The following STPG1 variants were observed in gnomAD, a reference collection of about 807,000 sequenced individuals.
STPG1 encodes the protein O(6)-methylguanine-induced apoptosis 2.
In STPG1, 33 loss-of-function variants were observed where a neutral mutation model predicts 40.1. The observed-to-expected ratio is 0.82, with a 90% confidence interval of 0.62 to 1.10. The LOEUF (loss-of-function observed/expected upper bound fraction) is 1.10. Among genes scored for constraint, STPG1 ranks in the 50% least tolerant of loss-of-function variants. STPG1 has a pLI of 0.00. For synonymous variants in STPG1, 150 were observed against 155.0 expected (o/e 0.97, Z 0.24); for missense variants, 396 against 415.1 (o/e 0.95, Z 0.40).
intron 7 of STPG1, among the ~76,000 whole-genome samples, chr1:24,361,446 T>C (rs751365218): frequency 6.6e-5 from 10 of 152,020 alleles, no homozygotes; most frequent in Admixed American, 3.3e-4. Flanking sequence ...TGAAAAAAAC[T>C]GAGGCCTCAT....
intron 2 of STPG1, among the ~76,000 whole-genome samples, chr1:24,396,576 A>C (rs933910940): frequency 6.6e-6 from 1 of 152,232 alleles, no homozygotes; most frequent in South Asian, 2.1e-4. Flanking sequence ...TACATAAACA[A>C]ACTGGGGTGG....
intron 1 of STPG1, among the ~76,000 whole-genome samples, chr1:24,410,090 A>C (rs1643558167): frequency 6.6e-6 from 1 of 152,222 alleles, no homozygotes; most frequent in Non-Finnish European, 1.5e-5. Context: ...GAGCATGATA[A>C]GTGCTTAGTT....
At chr1:24,363,798 T>G (rs1029028706) in intron 7 of STPG1, among the ~76,000 whole-genome samples, 4 of 152,036 alleles carry the variant, frequency 2.6e-5, no homozygotes, top group African/African-American at 9.7e-5. Context: ...GGGAAGAGCA[T>G]TTCCAGCAGA....
At position 24,381,706 on chromosome 1, in the gene STPG1, A is replaced by G. The variant is rs544502947; in HGVS notation, c.292-1883T>C. Among the ~76,000 whole-genome samples, 12 of 152,338 alleles carry G rather than the reference A, an allele frequency of 7.9e-5. No homozygotes were observed. The South Asian group carries it at 1.0e-3, about 13-fold the overall frequency. On this transcript the variant is annotated intron_variant, in intron 4 of 8. Transcript: ENST00000337248. Reference sequence around the variant, plus strand: ...GGAAGTTTCTAAAATTTATAGACCCACAGAGTTTTTTGGTCAGCCTCACCC... The same window carrying G: ...GGAAGTTTCTAAAATTTATAGACCCGCAGAGTTTTTTGGTCAGCCTCACCC...
At chr1:24,414,928 G>C (rs1643951746), upstream of STPG1, 1 of 152,126 alleles carries the variant, frequency 6.6e-6, no homozygotes, top group African/African-American at 2.4e-5. Context: ...GCTGGCCTTC[G>C]GGCAGTTTCT....
chr1:24,364,150 C>G, intron 7 of STPG1: 1 of 1,475,380 alleles, frequency 6.8e-7, no homozygotes, highest in African/African-American at 1.4e-5. Flanking sequence ...CCTGCAAACT[C>G]GAATTCAATT....
In STPG1 at chr1:24,364,107, C is replaced by T. The variant is rs1423426197; in HGVS notation, c.738-3066G>A. 2.7e-6 allele frequency: 4 copies of T among 1,460,004 alleles called. No individual in the cohort carries two copies. The East Asian group carries it at 7.7e-5, about 28-fold the overall frequency. 90.4% of individuals were successfully genotyped at this position (1,460,004 alleles called of 1,614,324 possible). On this transcript the variant is annotated intron_variant, in intron 7 of 8. Transcript: ENST00000337248. Reference sequence around the variant, plus strand: ...GTTCAGCAACTCCATGCCTTTGTCCCTGCTGTTCCTTCTGTGAGAAACACC... The same window carrying T: ...GTTCAGCAACTCCATGCCTTTGTCCTTGCTGTTCCTTCTGTGAGAAACACC...
intron 2 of STPG1, among the ~76,000 whole-genome samples, chr1:24,400,861 T>A (rs1322138005): frequency 6.6e-6 from 1 of 152,144 alleles, no homozygotes. Context: ...CCTCCTGGGA[T>A]CACACTAACT....
intron 1 of STPG1, among the ~76,000 whole-genome samples, chr1:24,407,732 G>A (rs34273713): frequency 0.11 from 16,841 of 152,060 alleles, 978 homozygotes; most frequent in African/African-American, 0.13. Context: ...CACCATGCCC[G>A]GCCAAGTTCA....
Position 24,358,462 on chromosome 1 carries a change from G to T in STPG1, c.*81C>A. ...TTGTCAGCTGCCACACTCATGATCGGTCTCCTCCTGAGGAATGTCCTGGGG... is the reference window on the plus strand; with the variant it reads ...TTGTCAGCTGCCACACTCATGATCGTTCTCCTCCTGAGGAATGTCCTGGGG... On this transcript the variant is annotated 3_prime_UTR_variant, in exon 9 of 9. Transcript: ENST00000337248. 2 of 1,207,476 alleles carry T rather than the reference G, an allele frequency of 1.7e-6. No individual in the cohort carries two copies. Among genetic ancestry groups the T allele is most frequent in the Non-Finnish European group, 2.5e-6 (2 of 809,026 alleles). 74.8% of individuals were successfully genotyped at this position (1,207,476 alleles called of 1,614,324 possible).
intron 1 of STPG1, among the ~76,000 whole-genome samples, chr1:24,405,813 A>AT (rs1221139257): frequency 3.4e-5 from 5 of 149,064 alleles, no homozygotes; most frequent in South Asian, 2.1e-4. Context: ...CTGAAGTCTT[A>AT]TTTTTTCTGA....
chr1:24,383,994 G>A lies in STPG1; in HGVS notation c.199C>T (p.Pro67Ser). Residue 67 changes from proline to serine, a missense_variant, in exon 4 of 9, where the codon CCA becomes TCA. Physicochemically the swap from Pro to Ser is moderately conservative, Grantham distance 74. Transcript: ENST00000337248. Reference sequence around the variant, plus strand: ...ATAACATTGTAGAACCCAGGTCCTGGGATATCATTCTGAAAGGGAAGAGAA... The same window carrying A: ...ATAACATTGTAGAACCCAGGTCCTGAGATATCATTCTGAAAGGGAAGAGAA... ...KRFPHKKNDIPGPGFYNVIHQ... is the reference protein window; with the variant it reads ...KRFPHKKNDISGPGFYNVIHQ... 2 of 1,610,062 alleles carry A rather than the reference G, an allele frequency of 1.2e-6. No homozygotes were observed. Among genetic ancestry groups the A allele is most frequent in the Non-Finnish European group, 1.7e-6 (2 of 1,176,296 alleles).
rs917340193 is a variant in STPG1, at chr1:24,373,728, G to A, written c.545C>T (p.Ala182Val). Residue 182 changes from alanine (A) to valine (V), a missense_variant, in exon 6 of 9, where the codon GCT (alanine) becomes GTT (valine). Coordinates refer to ENST00000337248, the MANE Select transcript of STPG1 (RefSeq NM_001199013.2). ...FMSKTQRGSF[A>V]FADKGPPPGH... ...TGGGGGAGGTCCTTTATCAGCAAAA[G>A]CGAAAGATCCTCTTTGGGTTTTTGA... 9 of 1,611,550 alleles carry A rather than the reference G, an allele frequency of 5.6e-6. No individual in the cohort carries two copies. The Admixed American group carries it at 1.0e-4, about 18-fold the overall frequency.
At chr1:24,397,541 C>T (rs925134796) in intron 2 of STPG1, among the ~76,000 whole-genome samples, 2 of 151,736 alleles carry the variant, frequency 1.3e-5, no homozygotes, top group Admixed American at 6.6e-5. Context: ...AAAATTTTAG[C>T]GAATCAAACC....
At chr1:24,412,209 T>C (rs1643715124) in intron 1 of STPG1, among the ~76,000 whole-genome samples, 2 of 152,248 alleles carry the variant, frequency 1.3e-5, no homozygotes, top group African/African-American at 2.4e-5. Context: ...GCAGTTGTCG[T>C]GCCCCACCAC....
Position 24,357,626 on chromosome 1 carries a change from G to A in STPG1, c.*917C>T, listed in dbSNP as rs7527465. On this transcript the variant is annotated 3_prime_UTR_variant, in exon 9 of 9. Transcript: ENST00000337248. ...GCTTTGTAACCTCTCGGTATCTGGC[G>A]GGGTTAATGTACAGAAAGACTAAAC... 28,745 of 160,912 alleles carry A rather than the reference G, an allele frequency of 0.18. 3,220 individuals carry two copies. The highest frequency in any genetic ancestry group is 0.32 in the African/African-American group (13,231 of 41,558). 10.0% of individuals were successfully genotyped at this position (160,912 alleles called of 1,614,324 possible). A position where few individuals can be genotyped will look rare whatever the true frequency, so the allele number is the denominator to read the frequency against.
Position 24,359,643 on chromosome 1 carries a change from C to T in STPG1, c.929-1024G>A, listed in dbSNP as rs1170765669. ...CTGGGGGCAAACCTGGGGCCCAGGT[C>T]ATCTTGGCTCCCTCGCACGGGAGCA... On this transcript the variant is annotated intron_variant, in intron 8 of 8. Coordinates refer to ENST00000337248, the MANE Select transcript of STPG1 (RefSeq NM_001199013.2). The surrounding 1 kb of genome is among the most constrained non-coding windows in gnomAD (Gnocchi z 5.3). Among the ~76,000 whole-genome samples, 1 of 152,170 alleles carries T rather than the reference C, an allele frequency of 6.6e-6. No homozygotes were observed. Among genetic ancestry groups the T allele is most frequent in the East Asian group, 1.9e-4 (1 of 5,178 alleles).
chr1:24,407,573 G>A (rs1643464501), intron 1 of STPG1, among the ~76,000 whole-genome samples: 1 of 151,846 alleles, frequency 6.6e-6, no homozygotes, highest in African/African-American at 2.4e-5. Context: ...CCGAGTAGCT[G>A]GGTACAGGTG....
intron 6 of STPG1, among the ~76,000 whole-genome samples, chr1:24,372,202 A>G (rs927066693): frequency 6.6e-6 from 1 of 152,128 alleles, no homozygotes; most frequent in Admixed American, 6.5e-5. Flanking sequence ...AAAACAAAAC[A>G]AAAACAAAAA....
Sources: gnomAD v4.1 joint callset for allele counts (sites outside exome capture counted in the v4.1 genomes callset) on GRCh38, gnomAD v4.1.1 for gene constraint, Gnocchi (gnomAD v3.1) non-coding constraint, MANE v1.5 for transcripts, NCBI Gene and HGNC (gene_info 2026-07-23, HGNC 2026-07-21) for gene names.